Variants in PCDHGA1 observed in about 807,000 individuals in gnomAD.
PCDHGA1 encodes the protein protocadherin gamma subfamily A, 1.
In PCDHGA1, 32 loss-of-function variants were observed where a neutral mutation model predicts 58.0. The ratio of observed to expected loss-of-function variants is 0.55; its 90% confidence interval spans 0.42 to 0.74. The LOEUF is 0.74. Among genes scored for constraint, PCDHGA1 ranks in the 30% least tolerant of loss-of-function variants. PCDHGA1 has a pLI of 0.00. For synonymous variants in PCDHGA1, 498 were observed against 501.1 expected, an observed-to-expected ratio of 0.99 and a Z score of 0.08; for missense variants, 1,205 against 1,182.3, an observed-to-expected ratio of 1.02 and a Z score of -0.28.
At chr5:141,401,856 T>C (rs778189763) in intron 1 of PCDHGA1, among the ~76,000 whole-genome samples, 2 of 152,228 alleles carry the variant, frequency 1.3e-5, no homozygotes, top group Non-Finnish European at 2.9e-5. Context: ...ACTTTTAACC[T>C]TTCAGTAGTT....
intron 1 of PCDHGA1, among the ~76,000 whole-genome samples, chr5:141,471,887 G>T (rs1215891997): frequency 6.6e-6 from 1 of 152,152 alleles, no homozygotes; most frequent in African/African-American, 2.4e-5. Context: ...CTGAAGCTAG[G>T]AAGATTGACT....
At chr5:141,405,267 A>G (rs1384687423) in intron 1 of PCDHGA1, 1 of 1,614,154 alleles carries the variant, frequency 6.2e-7, no homozygotes, top group South Asian at 1.1e-5. Context: ...ATCTTCCCCC[A>G]GCCCAACTAT....
intron 1 of PCDHGA1, chr5:141,350,695 C>T: frequency 6.2e-7 from 1 of 1,613,934 alleles, no homozygotes; most frequent in South Asian, 1.1e-5. Context: ...CAGCCTTACC[C>T]GGGGTAAAAT....
intron 1 of PCDHGA1, chr5:141,352,549 T>C: frequency 6.2e-7 from 1 of 1,613,996 alleles, no homozygotes; most frequent in Non-Finnish European, 8.5e-7. Context: ...AGTTTAATTC[T>C]CTCAACCTGA....
chr5:141,431,020 G>A lies in PCDHGA1; in HGVS notation c.2422-63787G>A, dbSNP rs941765907. On this transcript the variant is annotated intron_variant, in intron 1 of 3. Transcript: ENST00000517417. This position sits in a 1 kb window ranked among gnomAD's most constrained non-coding sequence, Gnocchi z 4.8. ...CGCGCAGCGGCAGCTTGGTCACGGC[G>A]GGCAGGATAGACCGGGAGGAGCTCT... The A allele has an allele frequency of 9.9e-6, 16 of 1,614,050 alleles. No homozygotes were observed. Among genetic ancestry groups the A allele is most frequent in the East Asian group, 4.5e-5 (2 of 44,886 alleles).
Position 141,489,826 on chromosome 5 carries a change from C to G in PCDHGA1, c.2422-4981C>G. On this transcript the variant is annotated intron_variant, in intron 1 of 3. Transcript: ENST00000517417. This position sits in a 1 kb window ranked among gnomAD's most constrained non-coding sequence, Gnocchi z 4.5. The stretch of plus-strand genomic sequence containing the variant: ...TGGGAAGCCATTCCCAGAGCTGGTG[C>G]TAGAGCAGCAGCTGGATCGTGAAGC... 1 of 1,614,186 alleles carries G rather than the reference C, an allele frequency of 6.2e-7. No homozygotes were observed. The highest frequency in any genetic ancestry group is 8.5e-7 in the Non-Finnish European group (1 of 1,179,988).
intron 1 of PCDHGA1, chr5:141,442,134 AG>A (rs1365375748): frequency 6.1e-6 from 1 of 163,744 alleles, no homozygotes; most frequent in African/African-American, 2.4e-5. Context: ...AGCCTGCAGG[AG>A]ACTCTGCCAG....
At chr5:141,419,407 G>A (rs1426208057) in intron 1 of PCDHGA1, 20 of 1,613,396 alleles carry the variant, frequency 1.2e-5, no homozygotes, top group Non-Finnish European at 1.4e-5. Flanking sequence ...TGGTGTTCGC[G>A]CAGCGCGCCT....
At chr5:141,421,531 T>G (rs1318944446) in intron 1 of PCDHGA1, 1 of 1,613,904 alleles carries the variant, frequency 6.2e-7, no homozygotes, top group Non-Finnish European at 8.5e-7. Flanking sequence ...GACGGTGTCC[T>G]CCTGTTTTTT....
Position 141,410,674 on chromosome 5 carries a change from A to G in PCDHGA1, c.2421+77569A>G. 3.2e-6 allele frequency: 5 copies of G among 1,551,418 alleles called. No homozygotes were observed. In the South Asian group the frequency reaches 3.6e-5, roughly 11 times the overall value. On this transcript the variant is annotated intron_variant, in intron 1 of 3. Coordinates refer to ENST00000517417, the MANE Select transcript of PCDHGA1 (RefSeq NM_018912.3). ...ATCTAATAGTCTACTAGTTTCTCATATTTTAGGCATACTACTTTATTTTCA... is the reference window on the plus strand; with the variant it reads ...ATCTAATAGTCTACTAGTTTCTCATGTTTTAGGCATACTACTTTATTTTCA...
At position 141,450,051 on chromosome 5, in the gene PCDHGA1, G is replaced by C. The variant is rs576363410; in HGVS notation, c.2422-44756G>C. ...AGACAGGGTCTCACTCTTTCGCCCA[G>C]GCTGGAATGCAGTGGTATGATCTTG... On this transcript the variant is annotated intron_variant, in intron 1 of 3. Coordinates refer to ENST00000517417, the MANE Select transcript of PCDHGA1 (RefSeq NM_018912.3). Among the ~76,000 whole-genome samples, 362 of 139,654 alleles carry C rather than the reference G, an allele frequency of 2.6e-3. 1 individual carries two copies. Among genetic ancestry groups the C allele is most frequent in the South Asian group, 5.5e-3 (25 of 4,506 alleles). 91.6% of individuals were successfully genotyped at this position (139,654 alleles called of 152,430 possible). A position where few individuals can be genotyped will look rare whatever the true frequency, so the allele number is the denominator to read the frequency against.
chr5:141,489,375 G>T lies in PCDHGA1; in HGVS notation c.2422-5432G>T. 6.2e-7 allele frequency: 1 copy of T among 1,613,826 alleles called. No homozygotes were observed. Among genetic ancestry groups the T allele is most frequent in the Non-Finnish European group, 8.5e-7 (1 of 1,179,724 alleles). On this transcript the variant is annotated intron_variant, in intron 1 of 3. Transcript: ENST00000517417. This position sits in a 1 kb window ranked among gnomAD's most constrained non-coding sequence, Gnocchi z 4.5. ...AGGAGTCTGAGCCGGGGACGCTGGT[G>T]GGGAATGTTGCTCAGGATCTGGGCT...
At chr5:141,499,707 T>G (rs1303008532) in intron 2 of PCDHGA1, among the ~76,000 whole-genome samples, 2 of 150,494 alleles carry the variant, frequency 1.3e-5, no homozygotes, top group African/African-American at 2.5e-5. Flanking sequence ...TTTTTTTTTT[T>G]TTTTGGAGAC....
rs752744809 is a variant in PCDHGA1, at chr5:141,393,680, T to C, written c.2421+60575T>C. On this transcript the variant is annotated intron_variant, in intron 1 of 3. Coordinates refer to ENST00000517417, the MANE Select transcript of PCDHGA1 (RefSeq NM_018912.3). The stretch of plus-strand genomic sequence containing the variant: ...TCCGGAAAATTAATGAAAAACAAAC[T>C]CCGTTATTCCAGCTTAATGAAAATA... 8 of 1,613,764 alleles carry C rather than the reference T, an allele frequency of 5.0e-6. No individual in the cohort carries two copies. The East Asian group carries it at 1.1e-4, about 22-fold the overall frequency.
chr5:141,372,379 T>A, intron 1 of PCDHGA1: 1 of 1,614,006 alleles, frequency 6.2e-7, no homozygotes, highest in Non-Finnish European at 8.5e-7. Context: ...ATGCTGCACC[T>A]AATCTTCGCA....
intron 1 of PCDHGA1, chr5:141,410,439 G>A (rs775594110): frequency 3.1e-6 from 5 of 1,614,006 alleles, no homozygotes; most frequent in Admixed American, 3.3e-5. Context: ...TACAGTGAGG[G>A]GACTTTGCCT....
chr5:141,349,649 A>G (rs1758332167), intron 1 of PCDHGA1, among the ~76,000 whole-genome samples: 1 of 152,212 alleles, frequency 6.6e-6, no homozygotes, highest in Admixed American at 6.5e-5. Flanking sequence ...GATTTAAAAT[A>G]CTAGATAAGG....
At chr5:141,393,194 C>A in intron 1 of PCDHGA1, 2 of 1,613,362 alleles carry the variant, frequency 1.2e-6, no homozygotes, top group Non-Finnish European at 1.7e-6. Context: ...TTGATATTAA[C>A]GATAATAACC....
intron 1 of PCDHGA1, chr5:141,422,942 G>C (rs199976232): frequency 6.2e-7 from 1 of 1,614,214 alleles, no homozygotes; most frequent in East Asian, 2.2e-5. Flanking sequence ...CCCACAGACG[G>C]CTCCACTGGC....
Sources: gnomAD v4.1 joint callset for allele counts (sites outside exome capture counted in the v4.1 genomes callset) on GRCh38, gnomAD v4.1.1 for gene constraint, Gnocchi (gnomAD v3.1) non-coding constraint, MANE v1.5 for transcripts, NCBI Gene and HGNC (gene_info 2026-07-23, HGNC 2026-07-21) for gene names.